The following SPPL2B variants were observed in gnomAD, a reference collection of about 807,000 sequenced individuals.
SPPL2B encodes the protein signal peptide peptidase like 2B, also known as signal peptide peptidase-like 2B.
A neutral mutation model predicts 59.7 loss-of-function variants in SPPL2B; 39 were observed. That is an observed-to-expected ratio of 0.65 (90% CI 0.51 to 0.85). The LOEUF (loss-of-function observed/expected upper bound fraction) is 0.85. Among genes scored for constraint, SPPL2B ranks in the 40% least tolerant of loss-of-function variants. The probability of loss-of-function intolerance (pLI) is 0.00; values close to 1 mark genes in which losing one functional copy is unlikely to be tolerated. For synonymous variants in SPPL2B, 419 were observed against 370.8 expected, an observed-to-expected ratio of 1.13 and a Z score of -1.49; for missense variants, 865 against 849.0, an observed-to-expected ratio of 1.02 and a Z score of -0.23.
At chr19:2,350,578 T>G (rs973895159) in intron 13 of SPPL2B, among the ~76,000 whole-genome samples, 1 of 152,272 alleles carries the variant, frequency 6.6e-6, no homozygotes, top group Non-Finnish European at 1.5e-5. Context: ...TTCCTGCAGC[T>G]GTGGATTTCA....
rs1206034399 is a variant in SPPL2B, at chr19:2,341,462, A to G, written c.956+448A>G. 1.3e-5 allele frequency: 6 copies of G among 447,502 alleles called. No homozygotes were observed. In the East Asian group the frequency reaches 2.8e-4, roughly 21 times the overall value. The allele number at this position is 447,502 out of a possible 1,614,324, so 27.7% of individuals were successfully genotyped here. On this transcript the variant is annotated intron_variant, in intron 8 of 14. Coordinates refer to ENST00000613503, the MANE Select transcript of SPPL2B (RefSeq NM_152988.3). ...GAGCAGTGGTGGAGGTGGGGCAGGCACTGCTCCCCCCACGCTCACCTCCCA... is the reference window on the plus strand; with the variant it reads ...GAGCAGTGGTGGAGGTGGGGCAGGCGCTGCTCCCCCCACGCTCACCTCCCA...
chr19:2,334,746 G>A (rs772845250), intron 2 of SPPL2B, 25 bp downstream of exon 2: 82 of 1,527,410 alleles, frequency 5.4e-5, no homozygotes, highest in African/African-American at 8.3e-5. Flanking sequence ...GCCGGGCGCC[G>A]CTGCGGAGGA....
At chr19:2,339,517 G>T (rs1336155516) in intron 5 of SPPL2B, among the ~76,000 whole-genome samples, 1 of 152,206 alleles carries the variant, frequency 6.6e-6, no homozygotes, top group Non-Finnish European at 1.5e-5. Flanking sequence ...AGCCGCCTGG[G>T]TCTGGGGAGG....
At chr19:2,341,660 G>T (rs1185567851) in intron 8 of SPPL2B, 6 of 452,244 alleles carry the variant, frequency 1.3e-5, no homozygotes, top group Non-Finnish European at 2.2e-5. Context: ...AGTACGCTTG[G>T]CTTTGGTGTG....
chr19:2,340,643 T>C, intron 7 of SPPL2B: 1 of 564,890 alleles, frequency 1.8e-6, no homozygotes, highest in Non-Finnish European at 3.2e-6. Context: ...AGGCAGGGCC[T>C]CGGGCGAAGG....
chr19:2,338,974 G>A, intron 4 of SPPL2B, 95 bp from the exon 5 acceptor site: 1 of 1,503,468 alleles, frequency 6.7e-7, no homozygotes, highest in Non-Finnish European at 9.0e-7. Context: ...TGCAGGCCAG[G>A]GTCTCCAGCC....
chr19:2,337,485 T>G lies in SPPL2B; in HGVS notation c.229T>G (p.Ser77Ala), dbSNP rs1168537725. The G allele has an allele frequency of 6.2e-7, 1 of 1,612,764 alleles. No homozygotes were observed. Among genetic ancestry groups the G allele is most frequent in the East Asian group, 2.2e-5 (1 of 44,862 alleles). Residue 77 changes from serine (S) to alanine (A), a missense_variant, in exon 3 of 15, where the codon TCC becomes GCC. Ser to Ala is a moderately conservative substitution (Grantham distance 99, BLOSUM62 1). Coordinates refer to ENST00000613503, the MANE Select transcript of SPPL2B (RefSeq NM_152988.3). ...LRNWTASLLC[S>A]AADLPARGFS... is the part of the protein sequence containing the mutation. ...CAACTGGACGGCCTCCCTGCTCTGC[T>G]CCGCAGCCGACCTCCCCGCCCGTGG...
intron 8 of SPPL2B, chr19:2,341,430 G>A (rs543351011): frequency 2.0e-5 from 9 of 457,642 alleles, no homozygotes; most frequent in African/African-American, 9.9e-5. Context: ...TGACTGCTGC[G>A]GCTTCTGAGC....
chr19:2,338,520 G>T, intron 3 of SPPL2B: 16 of 481,660 alleles, frequency 3.3e-5, no homozygotes, highest in Non-Finnish European at 4.1e-5. Context: ...GGCGCTTTTA[G>T]GCCTGGGGCC....
intron 1 of SPPL2B, chr19:2,330,393 G>A (rs905448197): frequency 1.3e-5 from 2 of 152,118 alleles, no homozygotes; most frequent in Non-Finnish European, 2.9e-5. Flanking sequence ...GGGATGACAG[G>A]CGTGAGCCAC....
At chr19:2,328,926 G>A (rs1027493822) in intron 1 of SPPL2B, among the ~76,000 whole-genome samples, 151 bp downstream of exon 1, 9 of 152,176 alleles carry the variant, frequency 5.9e-5, no homozygotes, top group African/African-American at 1.7e-4. Context: ...CGGCGGTGCC[G>A]GGGCTCGGCC....
In SPPL2B at chr19:2,353,400, C is replaced by A; in HGVS notation, c.*191C>A. 1 of 667,742 alleles carries A rather than the reference C, an allele frequency of 1.5e-6. No homozygotes were observed. The highest frequency in any genetic ancestry group is 2.4e-6 in the Non-Finnish European group (1 of 410,876). The allele number at this position is 667,742 out of a possible 1,614,324, so 41.4% of individuals were successfully genotyped here. A position where few individuals can be genotyped will look rare whatever the true frequency, so the allele number is the denominator to read the frequency against. ...GTGCCCGCGCCCAGCCCAGCTGCCC[C>A]GGCTGCACGCCTGCTGCTCCCAGCT... On this transcript the variant is annotated 3_prime_UTR_variant, in exon 15 of 15. Coordinates refer to ENST00000613503, the MANE Select transcript of SPPL2B (RefSeq NM_152988.3).
At chr19:2,340,316 G>T in intron 7 of SPPL2B, 144 bp downstream of exon 7, 1 of 703,928 alleles carries the variant, frequency 1.4e-6, no homozygotes, top group Non-Finnish European at 2.3e-6. Context: ...GGGCTCCTAG[G>T]CCCAGGAGCA....
At position 2,353,804 on chromosome 19, in the gene SPPL2B, C is replaced by T. The variant is rs374726856; in HGVS notation, c.*595C>T. The stretch of plus-strand genomic sequence containing the variant: ...AGGCCCGTGGGGCGGGGTTTTGGGG[C>T]GTGAACAAGGCTGGCAGTAAGTGGA... On this transcript the variant is annotated 3_prime_UTR_variant, in exon 15 of 15. Coordinates refer to ENST00000613503, the MANE Select transcript of SPPL2B (RefSeq NM_152988.3). The T allele has an allele frequency of 3.7e-3, 577 of 154,060 alleles. 6 individuals are homozygous for T. The highest frequency in any genetic ancestry group is 0.013 in the African/African-American group (545 of 41,590). 9.5% of individuals were successfully genotyped at this position (154,060 alleles called of 1,614,324 possible). A position where few individuals can be genotyped will look rare whatever the true frequency, so the allele number is the denominator to read the frequency against.
At chr19:2,331,034 C>T (rs777304406) in intron 1 of SPPL2B, among the ~76,000 whole-genome samples, 9 of 152,202 alleles carry the variant, frequency 5.9e-5, no homozygotes, top group Admixed American at 5.2e-4. Flanking sequence ...TGGTTGGTGA[C>T]AGTCCTCAAC....
rs368170502 is a variant in SPPL2B, at chr19:2,334,729, C to T, written c.186+8C>T. ...CACGACCTCAGCAAGGCAGTGAGTA[C>T]CCGCTGGCCGGGCGCCGCTGCGGAG... On this transcript the variant is annotated splice_region_variant and intron_variant, in intron 2 of 14. Coordinates refer to ENST00000613503, the MANE Select transcript of SPPL2B (RefSeq NM_152988.3). The T allele has an allele frequency of 4.4e-4, 702 of 1,579,250 alleles. 1 individual carries two copies. The highest frequency in any genetic ancestry group is 6.0e-4 in the Non-Finnish European group (692 of 1,162,590).
chr19:2,337,937 A>AT, intron 3 of SPPL2B: 1 of 290,012 alleles, frequency 3.4e-6, no homozygotes. Flanking sequence ...TGGGGATGGG[A>AT]TTGGGGTGGC....
chr19:2,353,438 A>G lies in SPPL2B; in HGVS notation c.*229A>G. On this transcript the variant is annotated 3_prime_UTR_variant, in exon 15 of 15. Transcript: ENST00000613503. ...GCTGCTCCCAGCTCGCCCGGCTGCC[A>G]CAAGCTCTCTGCGGGTCCATCCTCC... 1.7e-6 allele frequency: 1 copy of G among 577,478 alleles called. No homozygotes were observed. Among genetic ancestry groups the G allele is most frequent in the Non-Finnish European group, 3.0e-6 (1 of 332,626 alleles). The allele number at this position is 577,478 out of a possible 1,614,324, so 35.8% of individuals were successfully genotyped here. A position where few individuals can be genotyped will look rare whatever the true frequency, so the allele number is the denominator to read the frequency against.
Position 2,344,663 on chromosome 19 carries a change from G to C in SPPL2B, c.1276+11G>C, listed in dbSNP as rs575262617. ...ACATTTTGGTGCCAGGTACTGAGGC[G>C]GGTGGAGCACACGGGTCCACGCTGT... is the stretch of plus-strand genomic sequence containing the variant. On this transcript the variant is annotated intron_variant, in intron 12 of 14. Coordinates refer to ENST00000613503, the MANE Select transcript of SPPL2B (RefSeq NM_152988.3). 1.3e-6 allele frequency: 2 copies of C among 1,575,654 alleles called. No homozygotes were observed. Among genetic ancestry groups the C allele is most frequent in the African/African-American group, 2.7e-5 (2 of 73,954 alleles).
Sources: gnomAD v4.1 joint callset for allele counts (sites outside exome capture counted in the v4.1 genomes callset) on GRCh38, gnomAD v4.1.1 for gene constraint, MANE v1.5 for transcripts, NCBI Gene and HGNC (gene_info 2026-07-23, HGNC 2026-07-21) for gene names.